Variants in PPARA observed in about 807,000 individuals in gnomAD.
PPARA encodes peroxisome proliferator-activated receptor alpha.
In PPARA, 22 loss-of-function variants were observed where a neutral mutation model predicts 42.2. The ratio of observed to expected loss-of-function variants is 0.52; its 90% CI spans 0.37 to 0.74. The LOEUF is 0.74. Ranked by LOEUF, PPARA falls within the 30% of genes least tolerant of loss-of-function variation. PPARA has a pLI of 0.00. For synonymous variants in PPARA, 242 were observed against 239.3 expected (o/e 1.01, Z -0.10); for missense variants, 465 against 608.2 (o/e 0.76, Z 2.48).
chr22:46,226,279 T>C (rs917209265), intron 7 of PPARA, among the ~76,000 whole-genome samples: 6 of 152,242 alleles, frequency 3.9e-5, no homozygotes, highest in African/African-American at 1.2e-4. Context: ...TTAGCTGCTT[T>C]GGGCTTAAGA....
intron 3 of PPARA, among the ~76,000 whole-genome samples, chr22:46,197,769 T>G (rs1932453484): frequency 6.6e-6 from 1 of 151,692 alleles, no homozygotes; most frequent in Admixed American, 6.6e-5. Flanking sequence ...CTGGGCGTGG[T>G]GGCGGGCACC....
Position 46,192,531 on chromosome 22 carries a change from T to A in PPARA, c.-42-5811T>A, listed in dbSNP as rs553621849. 8.9e-4 allele frequency among the ~76,000 whole-genome samples: 136 copies of A among 152,348 alleles called. No homozygotes were observed. Among genetic ancestry groups the A allele is most frequent in the African/African-American group, 3.2e-3 (131 of 41,572 alleles). On this transcript the variant is annotated intron_variant, in intron 3 of 8. Coordinates refer to ENST00000407236, the MANE Select transcript of PPARA (RefSeq NM_005036.6). The surrounding 1 kb of genome is among the most constrained non-coding windows in gnomAD (Gnocchi z 4.3). Reference sequence around the variant, plus strand: ...TTCTACAATTTTCATATACTCTGTTTCATCGTTCTCAAAGGAATATTTTGA... The same window carrying A: ...TTCTACAATTTTCATATACTCTGTTACATCGTTCTCAAAGGAATATTTTGA...
chr22:46,158,860 G>A (rs1045458815), intron 2 of PPARA, among the ~76,000 whole-genome samples: 1 of 152,064 alleles, frequency 6.6e-6, no homozygotes. Flanking sequence ...ATTTTATGAG[G>A]CAGCTTGACA....
At chr22:46,178,554 T>C (rs1929503468) in intron 3 of PPARA, among the ~76,000 whole-genome samples, 1 of 152,096 alleles carries the variant, frequency 6.6e-6, no homozygotes, top group African/African-American at 2.4e-5. Context: ...AGGGAGACCA[T>C]GGTGTATAGA....
intron 3 of PPARA, among the ~76,000 whole-genome samples, chr22:46,178,873 A>G (rs943845439): frequency 2.0e-5 from 3 of 152,200 alleles, no homozygotes; most frequent in African/African-American, 7.2e-5. Flanking sequence ...ATAGATCAGA[A>G]TCTCGGGTGT....
rs1456979657 is a variant in PPARA at position 46,227,665 on chromosome 22, A to C, written c.712-4127A>C. Among the ~76,000 whole-genome samples, 1 of 152,234 alleles carries C rather than the reference A, an allele frequency of 6.6e-6. No homozygotes were observed. Among genetic ancestry groups the C allele is most frequent in the Non-Finnish European group, 1.5e-5 (1 of 68,044 alleles). ...TGTGTGCCGGGACCAGTGTGGCAGC[A>C]AGCGGGGCGTTCTGCTCTCGGCATG... On this transcript the variant is annotated intron_variant, in intron 7 of 8. Transcript: ENST00000407236. This position sits in a 1 kb window ranked among gnomAD's most constrained non-coding sequence, Gnocchi z 4.3.
At position 46,188,565 on chromosome 22, in the gene PPARA, C is replaced by T. The variant is rs1931116751; in HGVS notation, c.-42-9777C>T. The stretch of plus-strand genomic sequence containing the variant: ...GGGCAAGTTACTCACTTCTCTCAAC[C>T]TCTGCATTTTTCTTCTTTATAAATG... On this transcript the variant is annotated intron_variant, in intron 3 of 8. Transcript: ENST00000407236. The surrounding 1 kb of genome is among the most constrained non-coding windows in gnomAD (Gnocchi z 5.0). Among the ~76,000 whole-genome samples, 1 of 152,208 alleles carries T rather than the reference C, an allele frequency of 6.6e-6. No homozygotes were observed. The highest frequency in any genetic ancestry group is 6.5e-5 in the Admixed American group (1 of 15,278).
Position 46,219,997 on chromosome 22 carries a change from AAGGCCAGTAACAATCCAGT to A in PPARA, c.698_711+5del, listed in dbSNP as rs1934866759. 1 of 1,614,026 alleles carries A rather than the reference AAGGCCAGTAACAATCCAGT, an allele frequency of 6.2e-7. No homozygotes were observed. The highest frequency in any genetic ancestry group is 8.5e-7 in the Non-Finnish European group (1 of 1,180,052). On this transcript the variant is annotated splice_donor_variant and coding_sequence_variant, in exon 7 of 9. Coordinates refer to ENST00000407236, the MANE Select transcript of PPARA (RefSeq NM_005036.6). LOFTEE classifies it high-confidence loss of function. The surrounding 1 kb of genome is among the most constrained non-coding windows in gnomAD (Gnocchi z 4.8). ...CAAAGCCCGGGTCATCCTCTCAGGA[AAGGCCAGTAACAATCCAGT>A]AGGTGTTTGCGGCTGTTCTGGGTTC... is the stretch of plus-strand genomic sequence containing the variant.
chr22:46,172,722 C>T (rs140870914), intron 2 of PPARA, among the ~76,000 whole-genome samples: 24 of 152,348 alleles, frequency 1.6e-4, no homozygotes, highest in African/African-American at 2.4e-4. Flanking sequence ...GAGGTCACAT[C>T]GGGACCTGTT....
Position 46,234,479 on chromosome 22 carries a change from C to T in PPARA, c.1160-654C>T, listed in dbSNP as rs1392514755. On this transcript the variant is annotated intron_variant, in intron 8 of 8. Coordinates refer to ENST00000407236, the MANE Select transcript of PPARA (RefSeq NM_005036.6). This position sits in a 1 kb window ranked among gnomAD's most constrained non-coding sequence, Gnocchi z 5.8. ...TCCCAGGATGTCTAGTGCCAGCTAC[C>T]CCAGGCAGGTCATCTGGTGTGAATG... 6.6e-6 allele frequency among the ~76,000 whole-genome samples: 1 copy of T among 152,040 alleles called. No homozygotes were observed. The highest frequency in any genetic ancestry group is 1.5e-5 in the Non-Finnish European group (1 of 68,012).
intron 2 of PPARA, among the ~76,000 whole-genome samples, chr22:46,174,530 C>T (rs1438562840): frequency 6.6e-6 from 1 of 152,072 alleles, no homozygotes; most frequent in African/African-American, 2.4e-5. Context: ...TAAAATACCA[C>T]TGTTGGCCAG....
At chr22:46,223,605 T>C (rs1935166294) in intron 7 of PPARA, among the ~76,000 whole-genome samples, 1 of 143,720 alleles carries the variant, frequency 7.0e-6, no homozygotes, top group South Asian at 2.2e-4. Flanking sequence ...ATCACACCAC[T>C]GCACTCCAGC....
At chr22:46,198,186 C>T (rs1419256356) in intron 3 of PPARA, among the ~76,000 whole-genome samples, 156 bp from the exon 4 acceptor site, 15 of 138,474 alleles carry the variant, frequency 1.1e-4, no homozygotes, top group Admixed American at 3.1e-4. Flanking sequence ...TGCAGTGAGC[C>T]GAGATTGTGC....
chr22:46,219,914 A>G lies in PPARA; in HGVS notation c.611A>G (p.Lys204Arg), dbSNP rs2071219943. Reference protein sequence around the residue: ...DIEDSETADLKSLAKRIYEAY... With the variant: ...DIEDSETADLRSLAKRIYEAY... ...GAAGATTCTGAAACTGCAGATCTCA[A>G]ATCTCTGGCCAAGAGAATCTACGAG... The change falls in exon 7 of 9, where the codon AAA becomes AGA. Residue 204 changes from lysine to arginine, a missense_variant. Physicochemically the swap from Lys to Arg is conservative, Grantham distance 26. Around this residue, in one of 2 missense-constraint regions of PPARA, gnomAD observed 313 missense variants for 469.1 expected, o/e 0.67. Coordinates refer to ENST00000407236, the MANE Select transcript of PPARA (RefSeq NM_005036.6). The surrounding 1 kb of genome is among the most constrained non-coding windows in gnomAD (Gnocchi z 4.8). The G allele has an allele frequency of 1.2e-6, 2 of 1,614,104 alleles. No individual in the cohort carries two copies. The highest frequency in any genetic ancestry group is 1.7e-5 in the Admixed American group (1 of 60,004).
chr22:46,215,842 T>A (rs2147553737), intron 5 of PPARA, among the ~76,000 whole-genome samples: 1 of 152,310 alleles, frequency 6.6e-6, no homozygotes, highest in Non-Finnish European at 1.5e-5. Flanking sequence ...GTAAGCCCTG[T>A]TGTGAACTGC....
intron 3 of PPARA, among the ~76,000 whole-genome samples, chr22:46,178,565 T>C (rs1437674096): frequency 2.6e-5 from 4 of 152,064 alleles, no homozygotes; most frequent in Non-Finnish European, 5.9e-5. Flanking sequence ...GGTGTATAGA[T>C]TATCCAAAGC....
At chr22:46,174,190 AAGAGAGAGAG>A (rs150359508) in intron 2 of PPARA, among the ~76,000 whole-genome samples, 24 of 126,894 alleles carry the variant, frequency 1.9e-4, no homozygotes, top group South Asian at 1.3e-3. Flanking sequence ...AGAAGGAAGA[AAGAGAGAGAG>A]AGAGAGAGAG....
In PPARA at chr22:46,234,946, C is replaced by T. The variant is rs1348417935; in HGVS notation, c.1160-187C>T. Among the ~76,000 whole-genome samples, 2 of 152,140 alleles carry T rather than the reference C, an allele frequency of 1.3e-5. No homozygotes were observed. Among genetic ancestry groups the T allele is most frequent in the Non-Finnish European group, 2.9e-5 (2 of 68,028 alleles). The stretch of plus-strand genomic sequence containing the variant: ...AGGAAAGAGTACTGGTCCTGTCTGT[C>T]CCTACTTCACCTATTGACTTTGGAA... On this transcript the variant is annotated intron_variant, in intron 8 of 8. Transcript: ENST00000407236. This position sits in a 1 kb window ranked among gnomAD's most constrained non-coding sequence, Gnocchi z 5.8.
Position 46,160,576 on chromosome 22 carries a change from G to T in PPARA, c.-127+8606G>T, listed in dbSNP as rs531220169. On this transcript the variant is annotated intron_variant, in intron 2 of 8. Coordinates refer to ENST00000407236, the MANE Select transcript of PPARA (RefSeq NM_005036.6). This position sits in a 1 kb window ranked among gnomAD's most constrained non-coding sequence, Gnocchi z 4.5. The stretch of plus-strand genomic sequence containing the variant: ...CTCCCAAAGTGCTGGGATTACAGGC[G>T]TGAGCCACCGCACCTGGCCCAATAT... Among the ~76,000 whole-genome samples, 3 of 152,024 alleles carry T rather than the reference G, an allele frequency of 2.0e-5. No homozygotes were observed. The highest frequency in any genetic ancestry group is 7.2e-5 in the African/African-American group (3 of 41,396).
Sources: gnomAD v4.1 joint callset for allele counts (sites outside exome capture counted in the v4.1 genomes callset) on GRCh38, gnomAD v4.1.1 for gene constraint, gnomAD v4.1.1 regional missense constraint, Gnocchi (gnomAD v3.1) non-coding constraint, MANE v1.5 for transcripts, NCBI Gene and HGNC (gene_info 2026-07-23, HGNC 2026-07-21) for gene names.